The following EDIL3 variants were observed in gnomAD, a reference collection of about 807,000 sequenced individuals.
The protein encoded by EDIL3 is EGF like and discoidin domains 3.
A neutral mutation model predicts 67.4 loss-of-function variants in EDIL3; 37 were observed. That is an observed-to-expected ratio of 0.55 (90% CI 0.42 to 0.72). EDIL3 has a LOEUF of 0.72. Among genes scored for constraint, EDIL3 ranks in the 30% least tolerant of loss-of-function variants. The pLI is 0.00. For missense variants in EDIL3, 527 were observed against 586.3 expected (o/e 0.90, Z 1.04); for synonymous variants, 195 against 196.3 (o/e 0.99, Z 0.05).
At chr5:84,209,722 G>T (rs75506031) in intron 3 of EDIL3, among the ~76,000 whole-genome samples, 1 of 152,150 alleles carries the variant, frequency 6.6e-6, no homozygotes, top group African/African-American at 2.4e-5. Context: ...GGGTAGAAAA[G>T]TTGGCAGTGC....
At chr5:84,371,452 G>T (rs199549829) in intron 1 of EDIL3, among the ~76,000 whole-genome samples, 2,447 of 41,570 alleles carry the variant, frequency 0.059, 49 homozygotes, top group African/African-American at 0.17. Flanking sequence ...TATATATATA[G>T]AGAGAGAGAG....
intron 1 of EDIL3, among the ~76,000 whole-genome samples, chr5:84,354,689 A>T (rs1349143686): frequency 1.3e-5 from 2 of 151,908 alleles, no homozygotes; most frequent in African/African-American, 4.8e-5. Flanking sequence ...AATAAAATTA[A>T]CTTTATAATT....
intron 5 of EDIL3, among the ~76,000 whole-genome samples, chr5:84,132,314 A>G (rs1286702314): frequency 3.3e-5 from 3 of 90,850 alleles, no homozygotes; most frequent in South Asian, 5.6e-4. Flanking sequence ...AATATATATT[A>G]TATATATTTT....
intron 1 of EDIL3, among the ~76,000 whole-genome samples, chr5:84,280,779 C>T (rs1052657822): frequency 5.3e-5 from 8 of 151,548 alleles, no homozygotes; most frequent in Admixed American, 1.3e-4. Flanking sequence ...TCTATCTCTA[C>T]AAAAAATTTA....
chr5:84,238,474 G>T (rs780530531), intron 2 of EDIL3, among the ~76,000 whole-genome samples: 1 of 151,904 alleles, frequency 6.6e-6, no homozygotes, highest in Non-Finnish European at 1.5e-5. Flanking sequence ...GTGTCATTTT[G>T]GTCAGGGGGA....
At chr5:84,069,354 A>G (rs1402294058) in intron 6 of EDIL3, among the ~76,000 whole-genome samples, 1 of 152,106 alleles carries the variant, frequency 6.6e-6, no homozygotes, top group Non-Finnish European at 1.5e-5. Context: ...GGAATGGACT[A>G]ATGGGGGTTT....
At chr5:84,179,430 G>A (rs913879918) in intron 4 of EDIL3, among the ~76,000 whole-genome samples, 7 of 152,264 alleles carry the variant, frequency 4.6e-5, no homozygotes, top group East Asian at 1.9e-4. Flanking sequence ...AGGTTTCTAC[G>A]GAAATTCTAC....
At chr5:84,002,165 T>C (rs1745342129) in intron 9 of EDIL3, among the ~76,000 whole-genome samples, 1 of 152,202 alleles carries the variant, frequency 6.6e-6, no homozygotes, top group South Asian at 2.1e-4. Context: ...TATCAACAGA[T>C]TGAAGGACAA....
intron 1 of EDIL3, among the ~76,000 whole-genome samples, chr5:84,370,337 G>C (rs1747818527): frequency 6.6e-6 from 1 of 152,196 alleles, no homozygotes; most frequent in Non-Finnish European, 1.5e-5. Flanking sequence ...ACAGTTCCCA[G>C]GTGTTGTCTC....
intron 4 of EDIL3, among the ~76,000 whole-genome samples, chr5:84,172,273 T>C (rs924045257): frequency 6.6e-6 from 1 of 152,134 alleles, no homozygotes; most frequent in Admixed American, 6.5e-5. Flanking sequence ...CAGGTAAAAA[T>C]TTACGCAGTT....
chr5:84,132,501 T>TAATATATATTATATATAAA (rs1561440809), intron 5 of EDIL3, among the ~76,000 whole-genome samples: 1 of 74,702 alleles, frequency 1.3e-5, no homozygotes, highest in African/African-American at 5.3e-5. Flanking sequence ...TTATATATTT[T>TAATATATATTATATATAAA]ATATATAATA....
At chr5:84,280,038 C>G (rs1257994420) in intron 1 of EDIL3, among the ~76,000 whole-genome samples, 1 of 152,152 alleles carries the variant, frequency 6.6e-6, no homozygotes, top group East Asian at 1.9e-4. Flanking sequence ...GCCACATTTG[C>G]TTTTCACTCT....
chr5:83,985,711 C>T (rs1745047652), intron 9 of EDIL3, among the ~76,000 whole-genome samples: 3 of 152,006 alleles, frequency 2.0e-5, no homozygotes, highest in African/African-American at 7.2e-5. Flanking sequence ...TTTTGCCTAG[C>T]ACCAGCTATA....
intron 9 of EDIL3, among the ~76,000 whole-genome samples, chr5:83,998,165 G>A (rs1429872628): frequency 6.6e-6 from 1 of 152,144 alleles, no homozygotes; most frequent in Non-Finnish European, 1.5e-5. Context: ...GCAGCCAAGG[G>A]ACTGCTTGTG....
rs188959625 is a variant in EDIL3, at chr5:84,094,143, A to G, written c.651+12506T>C. 3.3e-5 allele frequency among the ~76,000 whole-genome samples: 5 copies of G among 152,350 alleles called. No individual in the cohort carries two copies. In the East Asian group the frequency reaches 9.6e-4, roughly 29 times the overall value. The stretch of plus-strand genomic sequence containing the variant: ...TTTCAGACAAAACATACTTTTCAGG[A>G]CAGAAGCATTAAGACATCTTTACTT... On this transcript the variant is annotated intron_variant, in intron 6 of 10. Transcript: ENST00000296591.
chr5:84,124,847 A>G (rs1189128709), intron 5 of EDIL3, among the ~76,000 whole-genome samples: 1 of 151,998 alleles, frequency 6.6e-6, no homozygotes, highest in African/African-American at 2.4e-5. Flanking sequence ...AATGTGTATA[A>G]ATAGATGACA....
intron 9 of EDIL3, 41 bp from the exon 10 acceptor site, chr5:83,963,401 A>C: frequency 6.5e-7 from 1 of 1,548,484 alleles, no homozygotes; most frequent in Non-Finnish European, 8.7e-7. Flanking sequence ...TGCGACAACC[A>C]AGTTGTAAAC....
intron 10 of EDIL3, among the ~76,000 whole-genome samples, chr5:83,958,241 C>T (rs951054644): frequency 6.6e-6 from 1 of 151,456 alleles, no homozygotes; most frequent in East Asian, 2.0e-4. Flanking sequence ...TTAGCTGGGG[C>T]CTCTGTAAAC....
At chr5:84,316,955 C>T (rs556342016) in intron 1 of EDIL3, among the ~76,000 whole-genome samples, 1 of 152,280 alleles carries the variant, frequency 6.6e-6, no homozygotes, top group African/African-American at 2.4e-5. Flanking sequence ...GATTAAGAAA[C>T]TCACTCAAAA....
Sources: allele counts gnomAD v4.1 joint callset (sites outside exome capture counted in the v4.1 genomes callset), GRCh38; gene constraint gnomAD v4.1.1; transcripts MANE v1.5; gene names NCBI Gene and HGNC (gene_info 2026-07-23, HGNC 2026-07-21).